ANO2: variants seen among roughly 807,000 people sequenced by gnomAD.
ANO2 encodes anoctamin-2.
In ANO2, 101 loss-of-function variants were observed where a neutral mutation model predicts 124.2. The ratio of observed to expected loss-of-function variants is 0.81; its 90% CI spans 0.69 to 0.96. The LOEUF is 0.96. Among genes scored for constraint, ANO2 ranks in the 40% least tolerant of loss-of-function variants. The pLI, the probability that ANO2 is intolerant of heterozygous loss-of-function variation, is 0.00. For synonymous variants in ANO2, 486 were observed against 482.5 expected, an observed-to-expected ratio of 1.01 and a Z score of -0.09; for missense variants, 1,293 against 1,274.5, an observed-to-expected ratio of 1.01 and a Z score of -0.22.
intron 20 of ANO2, among the ~76,000 whole-genome samples, chr12:5,581,038 C>A (rs559679625): frequency 6.6e-6 from 1 of 152,282 alleles, no homozygotes; most frequent in East Asian, 1.9e-4. Flanking sequence ...TCTCTCTCAT[C>A]TTTTAAATAA....
chr12:5,577,992 A>T lies in ANO2; in HGVS notation c.2402T>A (p.Ile801Asn). Residue 801 changes from isoleucine (I) to asparagine (N), a missense_variant, in exon 22 of 25, where the codon ATT becomes AAT. Transcript: ENST00000682330. ...AGAGAACTTGCCAATTCCAGAGAGAATGTCAAACCAGATTCCTACAAGACA... is the reference window on the plus strand; with the variant it reads ...AGAGAACTTGCCAATTCCAGAGAGATTGTCAAACCAGATTCCTACAAGACA... ...RTKDIGIWFDILSGIGKFSVI... is the reference protein window; with the variant it reads ...RTKDIGIWFDNLSGIGKFSVI... 1 of 1,613,882 alleles carries T rather than the reference A, an allele frequency of 6.2e-7. No homozygotes were observed. Among genetic ancestry groups the T allele is most frequent in the Non-Finnish European group, 8.5e-7 (1 of 1,179,796 alleles).
chr12:5,932,880 C>A (rs1398909318), intron 1 of ANO2, among the ~76,000 whole-genome samples: 1 of 152,198 alleles, frequency 6.6e-6, no homozygotes, highest in African/African-American at 2.4e-5. Flanking sequence ...GAGGACACGG[C>A]TTTTGCATGC....
intron 3 of ANO2, among the ~76,000 whole-genome samples, chr12:5,902,611 TGGGAG>T (rs1302422969): frequency 7.5e-5 from 1 of 13,356 alleles, no homozygotes; most frequent in Non-Finnish European, 1.4e-4. Flanking sequence ...GGGAAGGGAA[TGGGAG>T]GGGAGGGGAG....
intron 3 of ANO2, among the ~76,000 whole-genome samples, chr12:5,888,216 C>T (rs958569402): frequency 6.6e-6 from 1 of 151,302 alleles, no homozygotes. Flanking sequence ...CTTAAGGCGG[C>T]GCGTCTGGAG....
chr12:5,741,563 C>G (rs1951096330), intron 12 of ANO2, among the ~76,000 whole-genome samples: 3 of 152,114 alleles, frequency 2.0e-5, no homozygotes, highest in African/African-American at 7.2e-5. Flanking sequence ...CGACTGGTGT[C>G]TCCATGAAGG....
chr12:5,865,693 A>G (rs1955406736), intron 3 of ANO2, among the ~76,000 whole-genome samples: 1 of 151,572 alleles, frequency 6.6e-6, no homozygotes, highest in African/African-American at 2.4e-5. Context: ...ATGCCACCAC[A>G]GCATTATGCC....
At chr12:5,760,359 ATAAAACAC>A (rs1951701663) in intron 10 of ANO2, among the ~76,000 whole-genome samples, 4 of 152,224 alleles carry the variant, frequency 2.6e-5, no homozygotes, top group African/African-American at 7.2e-5. Context: ...AGCCTGTGAG[ATAAAACAC>A]AAGAGGGAAA....
intron 20 of ANO2, among the ~76,000 whole-genome samples, chr12:5,594,549 C>T (rs1177614699): frequency 4.6e-5 from 7 of 152,142 alleles, no homozygotes; most frequent in Admixed American, 1.3e-4. Context: ...TCAACAGTTA[C>T]TCGTGGCCGG....
chr12:5,924,307 C>T (rs556653743), intron 1 of ANO2, among the ~76,000 whole-genome samples: 85 of 152,360 alleles, frequency 5.6e-4, no homozygotes, highest in African/African-American at 1.9e-3. Flanking sequence ...ACAGAGCTGA[C>T]ATGCAGGAAA....
intron 4 of ANO2, among the ~76,000 whole-genome samples, chr12:5,835,641 G>A (rs961159991): frequency 2.0e-5 from 3 of 152,176 alleles, no homozygotes; most frequent in African/African-American, 7.2e-5. Flanking sequence ...AACCGATGGG[G>A]TTTAAAACCC....
intron 16 of ANO2, among the ~76,000 whole-genome samples, chr12:5,628,343 G>A (rs1466318112): frequency 6.6e-6 from 1 of 152,198 alleles, no homozygotes; most frequent in Non-Finnish European, 1.5e-5. Flanking sequence ...TCACATATGT[G>A]AGTGCACTGC....
At chr12:5,826,760 C>T (rs886482892) in intron 7 of ANO2, among the ~76,000 whole-genome samples, 2 of 152,058 alleles carry the variant, frequency 1.3e-5, no homozygotes, top group African/African-American at 4.8e-5. Context: ...GCCCTGGGTA[C>T]CCAGGCAGCT....
chr12:5,766,449 C>T (rs1951892934), intron 10 of ANO2, among the ~76,000 whole-genome samples: 1 of 152,102 alleles, frequency 6.6e-6, no homozygotes, highest in Admixed American at 6.5e-5. Context: ...AAGCCAGATA[C>T]CAGAGTATAT....
intron 5 of ANO2, among the ~76,000 whole-genome samples, chr12:5,831,855 G>A (rs1445954566): frequency 6.6e-6 from 1 of 152,056 alleles, no homozygotes; most frequent in East Asian, 1.9e-4. Flanking sequence ...TTAGCTCCTA[G>A]AGCAAAGTTG....
At chr12:5,867,008 G>C (rs1955444573) in intron 3 of ANO2, among the ~76,000 whole-genome samples, 1 of 152,250 alleles carries the variant, frequency 6.6e-6, no homozygotes, top group Admixed American at 6.5e-5. Flanking sequence ...GGTCTAGGCT[G>C]TGATCAAACA....
intron 3 of ANO2, among the ~76,000 whole-genome samples, chr12:5,876,375 G>A (rs527993976): frequency 6.6e-6 from 1 of 152,310 alleles, no homozygotes; most frequent in South Asian, 2.1e-4. Context: ...CTTTTACACT[G>A]TTGGTGGGAG....
chr12:5,806,096 G>A lies in ANO2; in HGVS notation c.949-3C>T, dbSNP rs750779898. 14 of 1,613,144 alleles carry A rather than the reference G, an allele frequency of 8.7e-6. No individual in the cohort carries two copies. The highest frequency in any genetic ancestry group is 1.7e-5 in the Admixed American group (1 of 59,862). On this transcript the variant is annotated splice_region_variant and splice_polypyrimidine_tract_variant and intron_variant, in intron 8 of 24. Transcript: ENST00000682330. ...TCCTCTGGACTATCGTATTCACCCT[G>A]TGGAGAAAAAGTGATGCTGGATAAA... is the stretch of plus-strand genomic sequence containing the variant.
intron 12 of ANO2, chr12:5,741,222 T>A (rs149856573): frequency 6.6e-6 from 1 of 152,388 alleles, no homozygotes; most frequent in African/African-American, 2.4e-5. Context: ...CTTAGCTGCC[T>A]ATGTCTACCT....
chr12:5,922,942 C>G (rs1941787215), intron 1 of ANO2, 138 bp from the exon 2 acceptor site: 1 of 917,078 alleles, frequency 1.1e-6, no homozygotes, highest in Non-Finnish European at 1.5e-6. Context: ...TGGTTAGTCC[C>G]TAAAGCCCAG....
Sources: allele counts gnomAD v4.1 joint callset (sites outside exome capture counted in the v4.1 genomes callset), GRCh38; gene constraint gnomAD v4.1.1; transcripts MANE v1.5; gene names NCBI Gene and HGNC (gene_info 2026-07-23, HGNC 2026-07-21).